The following PMFBP1 variants were observed in gnomAD, a reference collection of about 807,000 sequenced individuals.
PMFBP1 encodes the protein polyamine modulated factor 1 binding protein 1.
A neutral mutation model predicts 137.8 loss-of-function variants in PMFBP1; 131 were observed. The observed-to-expected ratio is 0.95, with a 90% CI of 0.82 to 1.10. The LOEUF (loss-of-function observed/expected upper bound fraction) is 1.10, where lower values mean the gene tolerates loss of function less well. Among genes scored for constraint, PMFBP1 ranks in the 50% least tolerant of loss-of-function variants. The pLI is 0.00. For synonymous variants in PMFBP1, 490 were observed against 450.4 expected (o/e 1.09, Z -1.11); for missense variants, 1,199 against 1,175.4 (o/e 1.02, Z -0.29).
intron 14 of PMFBP1, among the ~76,000 whole-genome samples, chr16:72,127,943 C>G (rs1263889419): frequency 6.6e-6 from 1 of 152,126 alleles, no homozygotes; most frequent in South Asian, 2.1e-4. Flanking sequence ...CCCAAGAGAC[C>G]AACTACCAAG....
At chr16:72,233,192 C>T in the PMFBP1 span, among the ~76,000 whole-genome samples, 1 of 152,086 alleles carries the variant, frequency 6.6e-6, no homozygotes. Context: ...AGGACAATTA[C>T]CTTCCACCAA....
At chr16:72,147,898 T>C (rs919907454) in intron 5 of PMFBP1, among the ~76,000 whole-genome samples, 13 of 152,096 alleles carry the variant, frequency 8.5e-5, no homozygotes, top group African/African-American at 2.4e-4. Flanking sequence ...TGTAGAGAAA[T>C]AGGAACACTT....
chr16:72,223,222 T>C, the PMFBP1 span, among the ~76,000 whole-genome samples: 1 of 152,218 alleles, frequency 6.6e-6, no homozygotes, highest in Non-Finnish European at 1.5e-5. Flanking sequence ...GCACCGAATT[T>C]CCATGGCTCT....
the PMFBP1 span, among the ~76,000 whole-genome samples, chr16:72,192,299 C>T: frequency 6.6e-6 from 1 of 152,146 alleles, no homozygotes; most frequent in African/African-American, 2.4e-5. Flanking sequence ...ACACACATTT[C>T]CTCAGGTATT....
Position 72,133,049 on chromosome 16 carries a change from A to G in PMFBP1, c.1204-58T>C, listed in dbSNP as rs2042573086. ...GTCTGAGTGGCAGTGGGTGAAGGCAATGAGAGGTTGTCTCAAGCCCTCATC... is the reference window on the plus strand; with the variant it reads ...GTCTGAGTGGCAGTGGGTGAAGGCAGTGAGAGGTTGTCTCAAGCCCTCATC... On this transcript the variant is annotated intron_variant, in intron 9 of 20. Coordinates refer to ENST00000237353, the MANE Select transcript of PMFBP1 (RefSeq NM_031293.3). 1.6e-5 allele frequency: 26 copies of G among 1,587,480 alleles called. 2 individuals are homozygous for G. The South Asian group carries it at 2.3e-4, about 14-fold the overall frequency.
chr16:72,218,821 C>G, the PMFBP1 span, among the ~76,000 whole-genome samples: 3 of 152,068 alleles, frequency 2.0e-5, no homozygotes, highest in Non-Finnish European at 2.9e-5. Flanking sequence ...GGTAAATAAA[C>G]CTTCAGGGAA....
chr16:72,148,782 G>A (rs1006913674), intron 5 of PMFBP1, among the ~76,000 whole-genome samples: 9 of 152,190 alleles, frequency 5.9e-5, no homozygotes, highest in Non-Finnish European at 1.0e-4. Context: ...CATAAGTGTG[G>A]TGGAGACTGT....
intron 3 of PMFBP1, among the ~76,000 whole-genome samples, chr16:72,157,449 G>C (rs958835048): frequency 1.3e-5 from 2 of 152,082 alleles, no homozygotes; most frequent in Non-Finnish European, 2.9e-5. Flanking sequence ...GAAGGTATCT[G>C]GAATGCTCCA....
chr16:72,188,384 T>C, the PMFBP1 span, among the ~76,000 whole-genome samples: 1 of 152,214 alleles, frequency 6.6e-6, no homozygotes, highest in Non-Finnish European at 1.5e-5. Context: ...ACAGTTCTTC[T>C]CTCTTACGTG....
At chr16:72,159,230 T>G (rs1386499031) in intron 3 of PMFBP1, among the ~76,000 whole-genome samples, 1 of 152,214 alleles carries the variant, frequency 6.6e-6, no homozygotes, top group Non-Finnish European at 1.5e-5. Flanking sequence ...CTCTAGTACC[T>G]GGTACCCCCA....
chr16:72,136,363 G>T lies in PMFBP1; in HGVS notation c.1203+85C>A. Reference sequence around the variant, plus strand: ...TGTTGAGGCTCCCAAAGCAATAATGGTGGGTGAAGGCAGAACCGGTTAATG... The same window carrying T: ...TGTTGAGGCTCCCAAAGCAATAATGTTGGGTGAAGGCAGAACCGGTTAATG... On this transcript the variant is annotated intron_variant, in intron 9 of 20. Coordinates refer to ENST00000237353, the MANE Select transcript of PMFBP1 (RefSeq NM_031293.3). 3.4e-6 allele frequency: 5 copies of T among 1,481,472 alleles called. No individual in the cohort carries two copies. In the South Asian group the frequency reaches 3.8e-5, roughly 11 times the overall value. 91.8% of individuals were successfully genotyped at this position (1,481,472 alleles called of 1,614,324 possible).
the PMFBP1 span, among the ~76,000 whole-genome samples, chr16:72,219,956 A>C: frequency 1.3e-5 from 2 of 152,196 alleles, no homozygotes; most frequent in African/African-American, 2.4e-5. Context: ...AACATTACCC[A>C]AAGAGGGGAC....
chr16:72,249,647 T>C, the PMFBP1 span, among the ~76,000 whole-genome samples: 1 of 151,824 alleles, frequency 6.6e-6, no homozygotes, highest in Non-Finnish European at 1.5e-5. Flanking sequence ...CCGGGTGCAG[T>C]GTCTCACGCC....
At chr16:72,186,980 G>A in the PMFBP1 span, among the ~76,000 whole-genome samples, 84 of 152,030 alleles carry the variant, frequency 5.5e-4, no homozygotes, top group Middle Eastern at 0.01. Context: ...GGGCATGGTG[G>A]TGTGCGCCTG....
the PMFBP1 span, among the ~76,000 whole-genome samples, chr16:72,240,460 T>C: frequency 6.6e-6 from 1 of 152,280 alleles, no homozygotes; most frequent in Non-Finnish European, 1.5e-5. Context: ...AATTCCTGAC[T>C]AGGCAGATCA....
chr16:72,212,363 G>A, the PMFBP1 span, among the ~76,000 whole-genome samples: 1 of 151,914 alleles, frequency 6.6e-6, no homozygotes, highest in African/African-American at 2.4e-5. Context: ...ATATATAGAG[G>A]ATAAACCTGT....
the PMFBP1 span, among the ~76,000 whole-genome samples, chr16:72,194,810 G>T: frequency 6.6e-6 from 1 of 152,192 alleles, no homozygotes; most frequent in South Asian, 2.1e-4. Context: ...CCTGGGCAGA[G>T]AACACACCTC....
chr16:72,249,249 T>C, the PMFBP1 span, among the ~76,000 whole-genome samples: 1 of 151,900 alleles, frequency 6.6e-6, no homozygotes, highest in African/African-American at 2.4e-5. Flanking sequence ...GTAAGTTGAG[T>C]AGAGAAGAAG....
the PMFBP1 span, among the ~76,000 whole-genome samples, chr16:72,212,257 A>C: frequency 6.6e-6 from 1 of 152,138 alleles, no homozygotes; most frequent in African/African-American, 2.4e-5. Context: ...GTCTGAGATC[A>C]CTAGAAGTCT....
Sources: allele counts gnomAD v4.1 joint callset (sites outside exome capture counted in the v4.1 genomes callset), GRCh38; gene constraint gnomAD v4.1.1; transcripts MANE v1.5; gene names NCBI Gene and HGNC (gene_info 2026-07-23, HGNC 2026-07-21).